The following NBAS variants were observed in gnomAD, a reference collection of about 807,000 sequenced individuals.
The protein encoded by NBAS is NBAS subunit of NRZ tethering complex.
Under a neutral mutation model 302.5 loss-of-function variants are expected in NBAS, and 219 were observed. The ratio of observed to expected loss-of-function variants is 0.72; its 90% CI spans 0.65 to 0.81. The LOEUF (loss-of-function observed/expected upper bound fraction) is 0.81, where lower values mean the gene tolerates loss of function less well. NBAS is among the 30% of genes least tolerant of loss of function. The pLI, the probability that NBAS is intolerant of heterozygous loss-of-function variation, is 0.00. For missense variants in NBAS, 2,932 were observed against 2,841.6 expected, an observed-to-expected ratio of 1.03 and a Z score of -0.72; for synonymous variants, 1,118 against 1,021.6, an observed-to-expected ratio of 1.09 and a Z score of -1.80.
chr2:14,986,529 C>T, the NBAS span, among the ~76,000 whole-genome samples: 2 of 152,052 alleles, frequency 1.3e-5, no homozygotes. Context: ...TCCATCATTT[C>T]CTGATTTTTT....
At chr2:15,188,086 G>C (rs901354175) in intron 49 of NBAS, among the ~76,000 whole-genome samples, 3 of 152,186 alleles carry the variant, frequency 2.0e-5, no homozygotes, top group Non-Finnish European at 4.4e-5. Context: ...TGCTTGGCCA[G>C]CATGGTGAAC....
chr2:15,225,782 T>C (rs1667128278), intron 47 of NBAS, among the ~76,000 whole-genome samples: 1 of 152,232 alleles, frequency 6.6e-6, no homozygotes, highest in Non-Finnish European at 1.5e-5. Flanking sequence ...AATTTAATGC[T>C]ATAAATCCTT....
At chr2:15,520,187 A>C (rs1662594868) in intron 9 of NBAS, among the ~76,000 whole-genome samples, 1 of 152,174 alleles carries the variant, frequency 6.6e-6, no homozygotes, top group African/African-American at 2.4e-5. Flanking sequence ...GGCTCACTTG[A>C]AGCCAAGAGT....
the NBAS span, among the ~76,000 whole-genome samples, chr2:14,940,668 A>G: frequency 6.6e-6 from 1 of 152,000 alleles, no homozygotes; most frequent in African/African-American, 2.4e-5. Flanking sequence ...CAACAACACA[A>G]TGCCTCCCAC....
intron 47 of NBAS, among the ~76,000 whole-genome samples, chr2:15,230,275 G>C (rs1401895693): frequency 6.6e-6 from 1 of 151,934 alleles, no homozygotes; most frequent in Non-Finnish European, 1.5e-5. Flanking sequence ...GATTCTGCCA[G>C]GTGCATTATT....
chr2:15,436,005 C>T (rs1401542480), intron 21 of NBAS, among the ~76,000 whole-genome samples: 3 of 152,132 alleles, frequency 2.0e-5, no homozygotes, highest in African/African-American at 7.2e-5. Context: ...GTGAATCAAA[C>T]ACCCTAAAAG....
the NBAS span, among the ~76,000 whole-genome samples, chr2:15,140,532 T>C: frequency 6.6e-6 from 1 of 152,254 alleles, no homozygotes; most frequent in African/African-American, 2.4e-5. Context: ...GATTAATATC[T>C]GCTTCACAGA....
At chr2:14,780,938 TGA>T in the NBAS span, among the ~76,000 whole-genome samples, 1 of 152,232 alleles carries the variant, frequency 6.6e-6, no homozygotes, top group East Asian at 1.9e-4. Flanking sequence ...GAAGAGAGAA[TGA>T]GAGAAAGAGA....
chr2:15,208,257 G>A (rs1167845718), intron 48 of NBAS, among the ~76,000 whole-genome samples: 1 of 152,146 alleles, frequency 6.6e-6, no homozygotes, highest in Admixed American at 6.5e-5. Context: ...AGTGGAAGGG[G>A]AAATCCCTTA....
intron 21 of NBAS, among the ~76,000 whole-genome samples, 187 bp from the exon 22 acceptor site, chr2:15,427,981 T>C (rs1677564413): frequency 6.6e-6 from 1 of 152,140 alleles, no homozygotes; most frequent in South Asian, 2.1e-4. Context: ...TATTGCTGAA[T>C]CATAAAATGG....
At chr2:15,263,296 G>A (rs543691411) in intron 44 of NBAS, among the ~76,000 whole-genome samples, 6 of 152,226 alleles carry the variant, frequency 3.9e-5, no homozygotes, top group Non-Finnish European at 5.9e-5. Context: ...TTTTCACCAC[G>A]TTGGCCAGGC....
At chr2:14,971,511 T>G in the NBAS span, among the ~76,000 whole-genome samples, 1 of 152,054 alleles carries the variant, frequency 6.6e-6, no homozygotes, top group South Asian at 2.1e-4. Flanking sequence ...CGAGACTCTG[T>G]CTCAAAATAA....
At chr2:15,506,621 C>T (rs1661862903) in intron 10 of NBAS, among the ~76,000 whole-genome samples, 1 of 152,094 alleles carries the variant, frequency 6.6e-6, no homozygotes. Context: ...ACCTATGAGA[C>T]CTTCTCAAAA....
intron 11 of NBAS, among the ~76,000 whole-genome samples, chr2:15,494,622 C>G (rs1680997658): frequency 6.6e-6 from 1 of 152,078 alleles, no homozygotes; most frequent in South Asian, 2.1e-4. Flanking sequence ...TCTCACTAAC[C>G]ACTTTATATG....
intron 35 of NBAS, among the ~76,000 whole-genome samples, chr2:15,346,492 T>C (rs1040541263): frequency 5.3e-5 from 8 of 152,068 alleles, no homozygotes; most frequent in African/African-American, 1.9e-4. Flanking sequence ...ATTTTAAAAG[T>C]CAAGAAACAA....
At chr2:15,260,210 A>C (rs1668785511) in intron 44 of NBAS, among the ~76,000 whole-genome samples, 1 of 152,212 alleles carries the variant, frequency 6.6e-6, no homozygotes, top group Non-Finnish European at 1.5e-5. Flanking sequence ...AGAGGTAATC[A>C]GGTGATTTTA....
the NBAS span, among the ~76,000 whole-genome samples, chr2:15,002,993 G>A: frequency 6.6e-5 from 10 of 152,376 alleles, no homozygotes; most frequent in African/African-American, 2.4e-4. Flanking sequence ...ACGGTGCAGC[G>A]GCGGGCTGAA....
the NBAS span, among the ~76,000 whole-genome samples, chr2:14,966,005 C>G: frequency 6.6e-6 from 1 of 152,024 alleles, no homozygotes. Context: ...AATTTGAACA[C>G]AGAGATAAAG....
At chr2:15,477,642 G>A (rs1232800099) in intron 13 of NBAS, among the ~76,000 whole-genome samples, 1 of 152,098 alleles carries the variant, frequency 6.6e-6, no homozygotes, top group Non-Finnish European at 1.5e-5. Context: ...ATTTAACTTA[G>A]AAAGTTTCAC....
Sources: allele counts gnomAD v4.1 joint callset (sites outside exome capture counted in the v4.1 genomes callset), GRCh38; gene constraint gnomAD v4.1.1; transcripts MANE v1.5; gene names NCBI Gene and HGNC (gene_info 2026-07-23, HGNC 2026-07-21).